LSS: variants seen among roughly 807,000 people sequenced by gnomAD.
LSS encodes the protein lanosterol synthase.
A neutral mutation model predicts 110.3 loss-of-function variants in LSS; 90 were observed. The observed-to-expected ratio is 0.82, with a 90% CI of 0.69 to 0.97. The LOEUF (loss-of-function observed/expected upper bound fraction) is 0.97, where lower values mean the gene tolerates loss of function less well. Among genes scored for constraint, LSS ranks in the 50% least tolerant of loss-of-function variants. The probability of loss-of-function intolerance (pLI) is 0.00; values close to 1 mark genes in which losing one functional copy is unlikely to be tolerated. For synonymous variants in LSS, 433 were observed against 400.0 expected, an observed-to-expected ratio of 1.08 and a Z score of -0.98; for missense variants, 927 against 990.0, an observed-to-expected ratio of 0.94 and a Z score of 0.85.
At chr21:46,224,255 C>G (rs4819218) in intron 3 of LSS, among the ~76,000 whole-genome samples, 1 of 151,848 alleles carries the variant, frequency 6.6e-6, no homozygotes, top group Non-Finnish European at 1.5e-5. Context: ...ACGTGACCCA[C>G]GTGACCTTAC....
intron 3 of LSS, among the ~76,000 whole-genome samples, chr21:46,223,033 C>T (rs766482882): frequency 2.2e-4 from 33 of 152,358 alleles, no homozygotes; most frequent in Non-Finnish European, 3.8e-4. Flanking sequence ...TGCACAGCAC[C>T]TCAGGAAGGT....
At chr21:46,196,848 A>G (rs1029094889) in intron 17 of LSS, among the ~76,000 whole-genome samples, 8 of 151,934 alleles carry the variant, frequency 5.3e-5, no homozygotes, top group Non-Finnish European at 1.0e-4. Flanking sequence ...CCCTCTACCA[A>G]CTCTCCCTTC....
At chr21:46,215,867 C>T (rs1396094178) in intron 7 of LSS, 74 bp from the exon 8 acceptor site, 2 of 983,296 alleles carry the variant, frequency 2.0e-6, no homozygotes, top group Non-Finnish European at 3.1e-6. Context: ...GAGGGGTGGC[C>T]TCCCACCATC....
rs1448568505 is a variant in LSS at position 46,190,381 on chromosome 21, T to C, written c.*723A>G. On this transcript the variant is annotated 3_prime_UTR_variant, in exon 22 of 22. Coordinates refer to ENST00000397728, the MANE Select transcript of LSS (RefSeq NM_002340.6). This position sits in a 1 kb window ranked among gnomAD's most constrained non-coding sequence, Gnocchi z 4.6. ...GCATGGGGCTCCCTGCTGCACAGAC[T>C]TGGGATGTTCCATGACAGACCCTGC... 6.6e-6 allele frequency: 1 copy of C among 151,710 alleles called. No homozygotes were observed. Among genetic ancestry groups the C allele is most frequent in the African/African-American group, 2.5e-5 (1 of 39,354 alleles). The allele number at this position is 151,710 out of a possible 1,614,324, so 9.4% of individuals were successfully genotyped here. A position where few individuals can be genotyped will look rare whatever the true frequency, so the allele number is the denominator to read the frequency against.
At chr21:46,201,768 G>GT (rs1359781373) in intron 17 of LSS, among the ~76,000 whole-genome samples, 1 of 151,432 alleles carries the variant, frequency 6.6e-6, no homozygotes, top group Non-Finnish European at 1.5e-5. Flanking sequence ...ACTCCAAACT[G>GT]TATCTCAAAA....
Position 46,213,328 on chromosome 21 carries a change from C to T in LSS, c.1110-276G>A, listed in dbSNP as rs374801942. Reference sequence around the variant, plus strand: ...CAGGCTGTGCCAGCCCTGCCGCCCTCGTGCAGTGCTGAGGCACCAGAGGAA... The same window carrying T: ...CAGGCTGTGCCAGCCCTGCCGCCCTTGTGCAGTGCTGAGGCACCAGAGGAA... On this transcript the variant is annotated intron_variant, in intron 10 of 21. Coordinates refer to ENST00000397728, the MANE Select transcript of LSS (RefSeq NM_002340.6). Among the ~76,000 whole-genome samples, 28 of 152,350 alleles carry T rather than the reference C, an allele frequency of 1.8e-4. No homozygotes were observed. In the East Asian group the frequency reaches 3.9e-3, roughly 21 times the overall value.
At position 46,194,496 on chromosome 21, in the gene LSS, G is replaced by A. The variant is rs146078696; in HGVS notation, c.1983C>T (p.Ala661=). ...NTCWAMMGLM[A]VRHPDIEAQE... is the part of the protein sequence containing the mutation. ...GACGGTCCCGTCGTCCCCACCGAAC[G>A]GCCATCAGCCCCATCATGGCCCAGC... The change falls in exon 20 of 22, where the codon GCC becomes GCT. Residue 661 remains alanine, a synonymous_variant. Coordinates refer to ENST00000397728, the MANE Select transcript of LSS (RefSeq NM_002340.6). 107 of 1,613,380 alleles carry A rather than the reference G, an allele frequency of 6.6e-5. No homozygotes were observed. The African/African-American group carries it at 1.0e-3, about 15-fold the overall frequency.
intron 3 of LSS, among the ~76,000 whole-genome samples, chr21:46,225,907 A>G (rs2080333883): frequency 6.6e-6 from 1 of 152,078 alleles, no homozygotes; most frequent in Non-Finnish European, 1.5e-5. Flanking sequence ...TCTTGGTGGT[A>G]GTGGTCCCCC....
chr21:46,199,630 T>C (rs1189231229), intron 17 of LSS, among the ~76,000 whole-genome samples: 1 of 152,180 alleles, frequency 6.6e-6, no homozygotes, highest in Non-Finnish European at 1.5e-5. Context: ...ATGAATAAAC[T>C]GTGGTACATC....
At chr21:46,200,964 C>G (rs1569021592) in intron 17 of LSS, among the ~76,000 whole-genome samples, 1 of 152,234 alleles carries the variant, frequency 6.6e-6, no homozygotes, top group African/African-American at 2.4e-5. Flanking sequence ...TCCAATGGTT[C>G]AAGAAAGAAT....
rs113227950 is a variant in LSS, at chr21:46,208,356, C to G, written c.1267-55G>C. 8 of 1,436,848 alleles carry G rather than the reference C, an allele frequency of 5.6e-6. No individual in the cohort carries two copies. In the African/African-American group the frequency reaches 8.5e-5, roughly 15 times the overall value. 89.0% of individuals were successfully genotyped at this position (1,436,848 alleles called of 1,614,324 possible). On this transcript the variant is annotated intron_variant, in intron 13 of 21. Transcript: ENST00000397728. ...CAGAGAACACGTCACCACGGGACGT[C>G]CCCATCTGGGACATCGCTGAGACAG...
chr21:46,228,620 G>A, intron 1 of LSS, 21 bp from the exon 2 acceptor site: 1 of 1,592,126 alleles, frequency 6.3e-7, no homozygotes, highest in Admixed American at 1.7e-5. Flanking sequence ...CCGGCCATCA[G>A]CGACCCAGGC....
chr21:46,211,169 C>T lies in LSS; in HGVS notation c.1138-425G>A, dbSNP rs184023301. 1.1e-4 allele frequency among the ~76,000 whole-genome samples: 16 copies of T among 152,314 alleles called. No homozygotes were observed. The East Asian group carries it at 2.5e-3, about 24-fold the overall frequency. On this transcript the variant is annotated intron_variant, in intron 11 of 21. Coordinates refer to ENST00000397728, the MANE Select transcript of LSS (RefSeq NM_002340.6). ...TGAGATGAAGTCTCGCTCTGTTGCC[C>T]AGGCTGGAGTGCAGTGGCGTGATCT...
intron 2 of LSS, 68 bp downstream of exon 2, chr21:46,228,366 A>G (rs2123772473): frequency 1.3e-6 from 2 of 1,543,558 alleles, no homozygotes; most frequent in South Asian, 1.2e-5. Flanking sequence ...TTTCTGAGAG[A>G]AAACGTGCTC....
intron 8 of LSS, among the ~76,000 whole-genome samples, 183 bp from the exon 9 acceptor site, chr21:46,215,481 C>A (rs1601439280): frequency 2.0e-5 from 3 of 151,564 alleles, no homozygotes; most frequent in African/African-American, 7.3e-5. Flanking sequence ...TCCTACCACA[C>A]ACCCTTGCAC....
intron 6 of LSS, among the ~76,000 whole-genome samples, chr21:46,219,236 G>C (rs950488188): frequency 6.6e-6 from 1 of 152,188 alleles, no homozygotes; most frequent in Non-Finnish European, 1.5e-5. Flanking sequence ...CCTGCAGCCT[G>C]ACTCGGGGTA....
chr21:46,222,519 C>T, intron 4 of LSS, 111 bp downstream of exon 4: 2 of 911,448 alleles, frequency 2.2e-6, no homozygotes, highest in Non-Finnish European at 3.4e-6. Flanking sequence ...CCCACACCCA[C>T]AGCTGCAATC....
intron 8 of LSS, 72 bp downstream of exon 8, chr21:46,215,613 G>A: frequency 9.3e-7 from 1 of 1,073,284 alleles, no homozygotes; most frequent in Non-Finnish European, 1.4e-6. Context: ...CAGGGGATGA[G>A]TGCGTGAATG....
In LSS at chr21:46,216,544, C is replaced by G; in HGVS notation, c.648-20G>C. 1 of 1,574,544 alleles carries G rather than the reference C, an allele frequency of 6.4e-7. No homozygotes were observed. The highest frequency in any genetic ancestry group is 8.6e-7 in the Non-Finnish European group (1 of 1,157,226). Reference sequence around the variant, plus strand: ...AACAGCCTGGGGCAACAGCAGGAGTCAGTGGGAGACCCCAAGACTCAAGCC... The same window carrying G: ...AACAGCCTGGGGCAACAGCAGGAGTGAGTGGGAGACCCCAAGACTCAAGCC... On this transcript the variant is annotated intron_variant, in intron 6 of 21. Coordinates refer to ENST00000397728, the MANE Select transcript of LSS (RefSeq NM_002340.6). This position sits in a 1 kb window ranked among gnomAD's most constrained non-coding sequence, Gnocchi z 4.2.
Sources: allele counts gnomAD v4.1 joint callset (sites outside exome capture counted in the v4.1 genomes callset), GRCh38; gene constraint gnomAD v4.1.1; non-coding constraint Gnocchi (gnomAD v3.1); transcripts MANE v1.5; gene names NCBI Gene and HGNC (gene_info 2026-07-23, HGNC 2026-07-21).